The following MLF1 variants were observed in gnomAD, a reference collection of about 807,000 sequenced individuals.
MLF1 encodes myeloid leukemia factor 1.
Under a neutral mutation model 38.3 loss-of-function variants are expected in MLF1, and 37 were observed. That is an observed-to-expected ratio of 0.96 (90% confidence interval 0.74 to 1.27). MLF1 has a LOEUF of 1.27. Ranked by LOEUF, MLF1 falls within the 50% of genes most tolerant of loss-of-function variation. The pLI is 0.00. For synonymous variants in MLF1, 95 were observed against 106.5 expected, an observed-to-expected ratio of 0.89 and a Z score of 0.66; for missense variants, 331 against 349.2, an observed-to-expected ratio of 0.95 and a Z score of 0.42.
chr3:158,572,518 G>A (rs1714655480), intron 1 of MLF1, among the ~76,000 whole-genome samples: 1 of 122,158 alleles, frequency 8.2e-6, no homozygotes, highest in Non-Finnish European at 1.7e-5. Flanking sequence ...AGGTGTGGGA[G>A]GAGGGTTGGG....
chr3:158,592,997 G>C (rs1053018652), intron 2 of MLF1, among the ~76,000 whole-genome samples: 1 of 151,930 alleles, frequency 6.6e-6, no homozygotes, highest in African/African-American at 2.4e-5. Context: ...AGGAAACACT[G>C]ATCTTCTATA....
At chr3:158,588,624 A>G (rs1191550024) in intron 1 of MLF1, among the ~76,000 whole-genome samples, 3 of 119,952 alleles carry the variant, frequency 2.5e-5, no homozygotes, top group East Asian at 2.5e-4. Flanking sequence ...AAAAAAAAAA[A>G]GCAGAAAAAA....
At chr3:158,594,836 A>T (rs1718657130) in intron 3 of MLF1, among the ~76,000 whole-genome samples, 1 of 152,168 alleles carries the variant, frequency 6.6e-6, no homozygotes, top group Admixed American at 6.6e-5. Flanking sequence ...TTCAGTACAG[A>T]TACAGGAGTG....
chr3:158,601,105 A>G (rs1719679122), intron 6 of MLF1, among the ~76,000 whole-genome samples: 2 of 152,050 alleles, frequency 1.3e-5, no homozygotes, highest in Admixed American at 1.3e-4. Context: ...ATGTTTTTCC[A>G]TAATAGAGTG....
intron 1 of MLF1, among the ~76,000 whole-genome samples, chr3:158,586,100 G>T (rs770064718): frequency 2.0e-5 from 3 of 151,760 alleles, no homozygotes; most frequent in Non-Finnish European, 4.4e-5. Context: ...GGAGGCGGAG[G>T]TTGCAGTGAG....
chr3:158,583,000 A>G, intron 1 of MLF1: 3 of 596,022 alleles, frequency 5.0e-6, no homozygotes, highest in East Asian at 3.0e-5. Context: ...AAATAATAAT[A>G]GGCACACACA....
At chr3:158,593,783 T>C (rs1409962314) in intron 3 of MLF1, among the ~76,000 whole-genome samples, 1 of 150,900 alleles carries the variant, frequency 6.6e-6, no homozygotes, top group Non-Finnish European at 1.5e-5. Context: ...TACTAAACTG[T>C]AGATAGATAA....
intron 4 of MLF1, 21 bp from the exon 5 acceptor site, chr3:158,598,059 T>A: frequency 6.2e-7 from 1 of 1,608,618 alleles, no homozygotes; most frequent in Non-Finnish European, 8.5e-7. Flanking sequence ...TCGACTGAAT[T>A]TACAATTTGT....
chr3:158,598,187 A>G lies in MLF1; in HGVS notation c.432A>G (p.Gln144=). The stretch of plus-strand genomic sequence containing the variant: ...CAAAGGTTTTTCAGGCCTCAACTCA[A>G]ACTCGTCGAGCTCCAGGAGGAGTAA... ...EPPKVFQAST[Q]TRRAPGGIKE... Residue 144 remains glutamine (Q), a synonymous_variant, in exon 5 of 8, where the codon CAA becomes CAG. Transcript: ENST00000466246. 6.2e-7 allele frequency: 1 copy of G among 1,613,820 alleles called. No individual in the cohort carries two copies. Among genetic ancestry groups the G allele is most frequent in the East Asian group, 2.2e-5 (1 of 44,860 alleles).
intron 1 of MLF1, among the ~76,000 whole-genome samples, chr3:158,578,156 T>C (rs554059585): frequency 6.3e-4 from 96 of 152,204 alleles, no homozygotes; most frequent in African/African-American, 2.2e-3. Context: ...GTCTACCTCA[T>C]TGAAACTAGG....
rs890867852 is a variant in MLF1, at chr3:158,606,452, G to A, written c.*1250G>A. 1.9e-5 allele frequency: 3 copies of A among 156,512 alleles called. No homozygotes were observed. Among genetic ancestry groups the A allele is most frequent in the Non-Finnish European group, 2.8e-5 (2 of 70,962 alleles). The allele number at this position is 156,512 out of a possible 1,614,324, so 9.7% of individuals were successfully genotyped here. A position where few individuals can be genotyped will look rare whatever the true frequency, so the allele number is the denominator to read the frequency against. On this transcript the variant is annotated 3_prime_UTR_variant, in exon 8 of 8. Coordinates refer to ENST00000466246, the MANE Select transcript of MLF1 (RefSeq NM_001369783.1). ...AGTCATTAAAATAAAATGCAAATGT[G>A]TTAATTCATTGTTGAAATTGAGCAT...
chr3:158,584,672 TGTGTGTGTG>T (rs1716941127), intron 1 of MLF1, among the ~76,000 whole-genome samples: 1 of 151,322 alleles, frequency 6.6e-6, no homozygotes, highest in Non-Finnish European at 1.5e-5. Context: ...TGTGTGTGTG[TGTGTGTGTG>T]TGTGTGTGTG....
At chr3:158,592,329 C>G (rs1029593019) in intron 1 of MLF1, 105 bp from the exon 2 acceptor site, 104 of 923,122 alleles carry the variant, frequency 1.1e-4, no homozygotes, top group Non-Finnish European at 1.5e-4. Flanking sequence ...CTTCTTTTAT[C>G]TAACAAACAT....
chr3:158,582,714 A>C (rs1335682147), intron 1 of MLF1: 7 of 503,356 alleles, frequency 1.4e-5, no homozygotes, highest in East Asian at 1.3e-4. Context: ...GAGGAAAAAA[A>C]CCCACTGACC....
At chr3:158,571,526 G>T in intron 1 of MLF1, 179 bp downstream of exon 1, 4 of 722,726 alleles carry the variant, frequency 5.5e-6, no homozygotes, top group Non-Finnish European at 9.5e-6. Context: ...GGATTTAGGG[G>T]TGTGTGAGAC....
At chr3:158,605,047 C>A in intron 7 of MLF1, 50 bp from the exon 8 acceptor site, 2 of 1,316,606 alleles carry the variant, frequency 1.5e-6, no homozygotes, top group Non-Finnish European at 2.1e-6. Flanking sequence ...GATTTATAAA[C>A]CATTGGCCAT....
intron 1 of MLF1, among the ~76,000 whole-genome samples, chr3:158,591,605 T>G (rs1449006833): frequency 1.3e-5 from 2 of 152,206 alleles, no homozygotes; most frequent in Non-Finnish European, 1.5e-5. Flanking sequence ...TCCACTGGGC[T>G]GCAGGAAAGC....
At chr3:158,599,842 C>G (rs1330128880) in intron 5 of MLF1, among the ~76,000 whole-genome samples, 172 bp from the exon 6 acceptor site, 2 of 152,002 alleles carry the variant, frequency 1.3e-5, no homozygotes, top group African/African-American at 4.8e-5. Context: ...TTAAGGAGTT[C>G]AGGAAATATC....
chr3:158,601,732 G>A (rs1719785123), intron 6 of MLF1, among the ~76,000 whole-genome samples: 1 of 122,818 alleles, frequency 8.1e-6, no homozygotes, highest in South Asian at 2.8e-4. Flanking sequence ...CTCCAGCCTG[G>A]GCAAAAGAGC....
Sources: gnomAD v4.1 joint callset for allele counts (sites outside exome capture counted in the v4.1 genomes callset) on GRCh38, gnomAD v4.1.1 for gene constraint, MANE v1.5 for transcripts, NCBI Gene and HGNC (gene_info 2026-07-23, HGNC 2026-07-21) for gene names.